Variants in ASCC3 observed in about 807,000 individuals in gnomAD.
ASCC3 encodes ASC-1 complex subunit P200.
Under a neutral mutation model 256.3 loss-of-function variants are expected in ASCC3, and 158 were observed. That is an observed-to-expected ratio of 0.62 (90% CI 0.54 to 0.70). The LOEUF (loss-of-function observed/expected upper bound fraction) is 0.70, where lower values mean the gene tolerates loss of function less well. ASCC3 is among the 30% of genes least tolerant of loss of function. The probability of loss-of-function intolerance (pLI) is 0.00; values close to 1 mark genes in which losing one functional copy is unlikely to be tolerated. For missense variants in ASCC3, 2,259 were observed against 2,626.0 expected (o/e 0.86, Z 3.05); for synonymous variants, 948 against 883.4 (o/e 1.07, Z -1.30).
intron 13 of ASCC3, among the ~76,000 whole-genome samples, chr6:100,684,411 C>A (rs1305813536): frequency 2.0e-5 from 3 of 152,154 alleles, no homozygotes; most frequent in Non-Finnish European, 2.9e-5. Context: ...CTGTTTCCCC[C>A]AATCCCCTTC....
chr6:100,610,125 A>G (rs142936119), intron 30 of ASCC3, among the ~76,000 whole-genome samples: 2 of 152,310 alleles, frequency 1.3e-5, no homozygotes, highest in East Asian at 3.9e-4. Context: ...GCAGTAAGCA[A>G]CAGGGGAGAA....
intron 2 of ASCC3, among the ~76,000 whole-genome samples, chr6:100,866,544 C>T (rs1303828132): frequency 1.3e-5 from 2 of 152,162 alleles, no homozygotes; most frequent in African/African-American, 4.8e-5. Flanking sequence ...CCTTCAGTAC[C>T]TCAGAATGTG....
chr6:100,749,356 A>T (rs1312393781), intron 10 of ASCC3, among the ~76,000 whole-genome samples: 1 of 152,034 alleles, frequency 6.6e-6, no homozygotes, highest in Admixed American at 6.6e-5. Context: ...ATATACAATC[A>T]ACTTTCATTT....
intron 8 of ASCC3, among the ~76,000 whole-genome samples, chr6:100,783,185 A>G (rs189169323): frequency 8.5e-5 from 13 of 152,074 alleles, no homozygotes; most frequent in Admixed American, 8.5e-4. Context: ...AAGTTAAATT[A>G]CTCTTCTCAT....
At chr6:100,714,040 C>A (rs1046581384) in intron 13 of ASCC3, among the ~76,000 whole-genome samples, 2 of 152,126 alleles carry the variant, frequency 1.3e-5, no homozygotes, top group Non-Finnish European at 2.9e-5. Flanking sequence ...ACGAGGCAAT[C>A]CAGAACAGAG....
chr6:100,782,144 A>G (rs1782479269), intron 8 of ASCC3, among the ~76,000 whole-genome samples: 1 of 152,144 alleles, frequency 6.6e-6, no homozygotes, highest in South Asian at 2.1e-4. Context: ...TTCCTCCTCT[A>G]CTATACATAA....
intron 13 of ASCC3, among the ~76,000 whole-genome samples, chr6:100,711,640 G>C (rs12214151): frequency 6.6e-6 from 1 of 151,916 alleles, no homozygotes; most frequent in African/African-American, 2.4e-5. Context: ...TGAAGTAAGA[G>C]AATCACTTGA....
intron 36 of ASCC3, among the ~76,000 whole-genome samples, chr6:100,545,988 C>G (rs893061841): frequency 6.6e-6 from 1 of 152,082 alleles, no homozygotes; most frequent in African/African-American, 2.4e-5. Flanking sequence ...GTACAACTAT[C>G]TTTATTTGCA....
intron 36 of ASCC3, among the ~76,000 whole-genome samples, chr6:100,566,695 C>T (rs1770269126): frequency 6.6e-6 from 1 of 152,078 alleles, no homozygotes; most frequent in Non-Finnish European, 1.5e-5. Context: ...AAGGACATTG[C>T]TTCTTCCTGT....
rs75999472 is a variant in ASCC3 at position 100,822,246 on chromosome 6, A to G, written c.802-16366T>C. On this transcript the variant is annotated intron_variant, in intron 4 of 41. Transcript: ENST00000369162. ...ACTTACAATAGAAAATGTAACAAACAAACAAAAATGCCAGGCGCAGTGGCT... is the reference window on the plus strand; with the variant it reads ...ACTTACAATAGAAAATGTAACAAACGAACAAAAATGCCAGGCGCAGTGGCT... Among the ~76,000 whole-genome samples the G allele has an allele frequency of 4.9e-3, 739 of 152,312 alleles. 9 individuals are homozygous for G. Among genetic ancestry groups the G allele is most frequent in the African/African-American group, 0.017 (716 of 41,570 alleles).
At chr6:100,869,838 C>T (rs1276149362) in intron 1 of ASCC3, among the ~76,000 whole-genome samples, 7 of 152,062 alleles carry the variant, frequency 4.6e-5, no homozygotes, top group Admixed American at 4.6e-4. Context: ...CCAAACGTAG[C>T]TGGTGGCTCT....
At chr6:100,679,526 T>C (rs1777184533) in intron 14 of ASCC3, 92 bp downstream of exon 14, 3 of 1,573,226 alleles carry the variant, frequency 1.9e-6, no homozygotes, top group Admixed American at 3.4e-5. Context: ...AATTAACTTC[T>C]TGGAAATTGA....
chr6:100,528,342 T>C (rs1228145596), intron 37 of ASCC3, among the ~76,000 whole-genome samples: 1 of 152,192 alleles, frequency 6.6e-6, no homozygotes, highest in African/African-American at 2.4e-5. Flanking sequence ...ACCAATATAC[T>C]TGTAAAGATT....
At chr6:100,616,501 G>C (rs1380155987) in intron 30 of ASCC3, among the ~76,000 whole-genome samples, 1 of 152,178 alleles carries the variant, frequency 6.6e-6, no homozygotes, top group Non-Finnish European at 1.5e-5. Context: ...CAATTAATTT[G>C]AATTAACAAG....
chr6:100,811,445 A>G (rs957902076), intron 4 of ASCC3, among the ~76,000 whole-genome samples: 4 of 152,172 alleles, frequency 2.6e-5, no homozygotes, highest in African/African-American at 9.6e-5. Context: ...TATTCTAGTT[A>G]CACTTAATAT....
chr6:100,666,662 G>A (rs551695712), intron 14 of ASCC3, among the ~76,000 whole-genome samples: 2 of 152,190 alleles, frequency 1.3e-5, no homozygotes, highest in African/African-American at 4.8e-5. Context: ...AAAGTATAAG[G>A]AGCGAGTTTT....
chr6:100,614,081 C>T (rs1386752310), intron 30 of ASCC3, among the ~76,000 whole-genome samples: 1 of 152,036 alleles, frequency 6.6e-6, no homozygotes, highest in Non-Finnish European at 1.5e-5. Context: ...ATTTGGCACG[C>T]TGTTGGTAGG....
chr6:100,537,464 C>A (rs543669682), intron 37 of ASCC3, among the ~76,000 whole-genome samples: 1 of 151,978 alleles, frequency 6.6e-6, no homozygotes, highest in Non-Finnish European at 1.5e-5. Flanking sequence ...AGAGAAAGGG[C>A]AATTATTGGG....
intron 13 of ASCC3, among the ~76,000 whole-genome samples, chr6:100,712,751 C>CTTTTTTTTTTTTTTTTTTTTTTTTTT (rs58286754): frequency 1.4e-5 from 1 of 69,738 alleles, no homozygotes; most frequent in Non-Finnish European, 2.6e-5. Context: ...CAATTATACT[C>CTTTTTTTTTTTTTTTTTTTTTTTTTT]TTTTTTTTTT....
Sources: allele counts gnomAD v4.1 joint callset (sites outside exome capture counted in the v4.1 genomes callset), GRCh38; gene constraint gnomAD v4.1.1; transcripts MANE v1.5; gene names NCBI Gene and HGNC (gene_info 2026-07-23, HGNC 2026-07-21).